Variants in DLG2 observed in about 807,000 individuals in gnomAD.
DLG2 encodes disks large homolog 2.
A neutral mutation model predicts 132.5 loss-of-function variants in DLG2; 45 were observed. That is an observed-to-expected ratio of 0.34 (90% CI 0.27 to 0.44). The LOEUF (loss-of-function observed/expected upper bound fraction) is 0.44. Ranked by LOEUF, DLG2 falls within the 20% of genes least tolerant of loss-of-function variation. DLG2 has a pLI of 1.00. For synonymous variants in DLG2, 424 were observed against 419.6 expected, an observed-to-expected ratio of 1.01 and a Z score of -0.13; for missense variants, 1,045 against 1,196.9, an observed-to-expected ratio of 0.87 and a Z score of 1.87.
chr11:84,161,326 T>A (rs1174936175), intron 9 of DLG2, among the ~76,000 whole-genome samples: 3 of 151,980 alleles, frequency 2.0e-5, no homozygotes, highest in Non-Finnish European at 4.4e-5. Flanking sequence ...AATGGTGAAA[T>A]CAATGATCTG....
chr11:85,529,557 A>G (rs1232944813), intron 3 of DLG2, among the ~76,000 whole-genome samples: 2 of 152,152 alleles, frequency 1.3e-5, no homozygotes, highest in Admixed American at 1.3e-4. Flanking sequence ...TCATGCTTTA[A>G]AAAGTTCCCC....
chr11:83,594,957 T>A (rs959916235), intron 19 of DLG2, among the ~76,000 whole-genome samples: 4 of 152,224 alleles, frequency 2.6e-5, no homozygotes, highest in African/African-American at 9.6e-5. Context: ...TTAATGAAAT[T>A]CCTAATGGCT....
intron 6 of DLG2, among the ~76,000 whole-genome samples, chr11:84,793,135 A>C (rs2074102352): frequency 6.6e-6 from 1 of 152,126 alleles, no homozygotes; most frequent in Admixed American, 6.5e-5. Flanking sequence ...CTTTCAAAAA[A>C]ATTTTCGGTT....
chr11:84,617,317 T>A (rs1431000932), intron 6 of DLG2, among the ~76,000 whole-genome samples: 5 of 152,158 alleles, frequency 3.3e-5, no homozygotes, highest in Admixed American at 6.6e-5. Flanking sequence ...CATGAACTCA[T>A]CCTTTTATAT....
intron 7 of DLG2, among the ~76,000 whole-genome samples, chr11:84,398,984 C>T (rs2098820193): frequency 6.6e-6 from 1 of 152,082 alleles, no homozygotes; most frequent in Non-Finnish European, 1.5e-5. Context: ...TCAGTTATAG[C>T]TTTATATTTT....
intron 18 of DLG2, among the ~76,000 whole-genome samples, chr11:83,721,706 C>T (rs531399635): frequency 6.6e-6 from 1 of 152,126 alleles, no homozygotes; most frequent in South Asian, 2.1e-4. Context: ...GATGCGACAA[C>T]GAATTATAGA....
At chr11:83,516,524 A>G (rs993660124) in intron 21 of DLG2, among the ~76,000 whole-genome samples, 15 of 152,122 alleles carry the variant, frequency 9.9e-5, no homozygotes, top group African/African-American at 3.4e-4. Flanking sequence ...GCCCATTTAC[A>G]TTTAAGGTTA....
At chr11:84,825,480 T>TA (rs1010555836) in intron 6 of DLG2, among the ~76,000 whole-genome samples, 1 of 151,928 alleles carries the variant, frequency 6.6e-6, no homozygotes, top group Non-Finnish European at 1.5e-5. Context: ...ATGAACTATT[T>TA]AAAAAATCCA....
intron 6 of DLG2, among the ~76,000 whole-genome samples, chr11:84,564,509 T>A (rs2154526716): frequency 6.6e-6 from 1 of 152,294 alleles, no homozygotes; most frequent in Non-Finnish European, 1.5e-5. Flanking sequence ...ATAAGAAAGA[T>A]AACTCTTGAA....
intron 18 of DLG2, among the ~76,000 whole-genome samples, chr11:83,678,825 A>G (rs2078224484): frequency 6.6e-6 from 1 of 152,186 alleles, no homozygotes; most frequent in South Asian, 2.1e-4. Context: ...TGGTAGATTT[A>G]CGAACTTTTT....
chr11:83,632,102 G>T (rs779144874), intron 19 of DLG2: 4 of 152,166 alleles, frequency 2.6e-5, no homozygotes, highest in Non-Finnish European at 4.4e-5. Flanking sequence ...GGAATAAGAA[G>T]GGACTCTAGG....
intron 16 of DLG2, among the ~76,000 whole-genome samples, chr11:83,858,273 A>AG (rs1269906318): frequency 1.3e-5 from 2 of 152,282 alleles, no homozygotes; most frequent in East Asian, 3.9e-4. Flanking sequence ...TGGGTATGTC[A>AG]GGGGGTCAAA....
intron 3 of DLG2, among the ~76,000 whole-genome samples, chr11:85,536,870 GGGCTGCCAGAGTGCCCAGACTA>G (rs1379586282): frequency 6.6e-6 from 1 of 152,198 alleles, no homozygotes; most frequent in African/African-American, 2.4e-5. Context: ...AGCTCCCTCT[GGGCTGCCAGAGTGCCCAGACTA>G]GGTGCCGCAA....
At chr11:84,833,196 G>C (rs1303799548) in intron 6 of DLG2, among the ~76,000 whole-genome samples, 3 of 151,470 alleles carry the variant, frequency 2.0e-5, no homozygotes, top group African/African-American at 7.3e-5. Context: ...CCATGCCACA[G>C]AGTGCCCTCT....
chr11:84,261,292 C>A (rs895054109), intron 7 of DLG2, among the ~76,000 whole-genome samples: 1 of 152,226 alleles, frequency 6.6e-6, no homozygotes, highest in Non-Finnish European at 1.5e-5. Context: ...CAAGCACATA[C>A]CTTGCTCATG....
At chr11:85,251,885 C>G (rs540484864) in intron 4 of DLG2, among the ~76,000 whole-genome samples, 1 of 152,174 alleles carries the variant, frequency 6.6e-6, no homozygotes, top group East Asian at 1.9e-4. Context: ...AATAAATATT[C>G]ACTTTTTAAC....
chr11:84,600,605 T>G (rs1262143189), intron 6 of DLG2, among the ~76,000 whole-genome samples: 1 of 152,204 alleles, frequency 6.6e-6, no homozygotes, highest in East Asian at 1.9e-4. Flanking sequence ...TTAACATACC[T>G]TGTTTATTTT....
At chr11:84,900,018 G>C (rs960469606) in intron 6 of DLG2, among the ~76,000 whole-genome samples, 10 of 151,932 alleles carry the variant, frequency 6.6e-5, no homozygotes, top group African/African-American at 2.4e-4. Flanking sequence ...TTATTTCCAG[G>C]CTGAGAGAAT....
chr11:85,158,304 G>C (rs1409587350), intron 4 of DLG2, among the ~76,000 whole-genome samples: 1 of 152,066 alleles, frequency 6.6e-6, no homozygotes, highest in Non-Finnish European at 1.5e-5. Context: ...TAATGTTGCA[G>C]CTCGAGTGAA....
Sources: allele counts gnomAD v4.1 joint callset (sites outside exome capture counted in the v4.1 genomes callset), GRCh38; gene constraint gnomAD v4.1.1; transcripts MANE v1.5; gene names NCBI Gene and HGNC (gene_info 2026-07-23, HGNC 2026-07-21).